The following IFT56 variants were observed in gnomAD, a reference collection of about 807,000 sequenced individuals.
The protein encoded by IFT56 is intraflagellar transport protein 56.
the IFT56 span, chr7:139,168,579 AAAC>A: frequency 1.5e-5 from 9 of 592,966 alleles, no homozygotes; most frequent in African/African-American, 1.1e-4. Flanking sequence ...CAAAAAAAAA[AAAC>A]AAAAAAAAAA....
chr7:139,140,523 T>C, the IFT56 span, among the ~76,000 whole-genome samples: 1 of 152,270 alleles, frequency 6.6e-6, no homozygotes, highest in East Asian at 1.9e-4. Context: ...CTCACGCCTG[T>C]AATCCCAGCA....
the IFT56 span, chr7:139,137,734 G>A: frequency 9.8e-6 from 7 of 717,212 alleles, no homozygotes; most frequent in South Asian, 8.9e-5. Context: ...ATATTGTCAT[G>A]CTTCTAATAC....
the IFT56 span, among the ~76,000 whole-genome samples, chr7:139,170,603 T>C: frequency 1.3e-5 from 2 of 152,310 alleles, no homozygotes; most frequent in East Asian, 3.9e-4. Context: ...GCAAAAACCA[T>C]ATGATCATTT....
At chr7:139,147,464 C>A in the IFT56 span, among the ~76,000 whole-genome samples, 6 of 152,070 alleles carry the variant, frequency 3.9e-5, no homozygotes, top group Non-Finnish European at 7.4e-5. Context: ...CTTTCTCTAC[C>A]TTTTTTTGCA....
At chr7:139,163,144 A>G in the IFT56 span, among the ~76,000 whole-genome samples, 2 of 152,002 alleles carry the variant, frequency 1.3e-5, no homozygotes, top group Non-Finnish European at 2.9e-5. Context: ...GGAGATCGAG[A>G]CCATCCTGAT....
the IFT56 span, chr7:139,161,099 TA>T: frequency 5.4e-6 from 7 of 1,304,246 alleles, no homozygotes; most frequent in African/African-American, 1.5e-5. Context: ...GAAAGATTAA[TA>T]AAAGGAGATG....
chr7:139,187,812 G>C, the IFT56 span, among the ~76,000 whole-genome samples: 34 of 151,490 alleles, frequency 2.2e-4, no homozygotes, highest in African/African-American at 7.7e-4. Context: ...CCAAATATAA[G>C]AGCAGGATGT....
At chr7:139,180,133 C>A in the IFT56 span, among the ~76,000 whole-genome samples, 2 of 150,334 alleles carry the variant, frequency 1.3e-5, no homozygotes, top group African/African-American at 4.9e-5. Context: ...GTCAGGAGAT[C>A]GAGACCATCC....
At chr7:139,163,299 G>C in the IFT56 span, among the ~76,000 whole-genome samples, 1 of 142,068 alleles carries the variant, frequency 7.0e-6, no homozygotes, top group South Asian at 2.3e-4. Context: ...CGAAGATCGC[G>C]CCACTGCACT....
the IFT56 span, among the ~76,000 whole-genome samples, chr7:139,156,530 A>T: frequency 1.3e-5 from 2 of 152,032 alleles, no homozygotes. Flanking sequence ...TCTTTCATTT[A>T]TCTCAAAGTA....
the IFT56 span, among the ~76,000 whole-genome samples, chr7:139,146,630 G>A: frequency 7.9e-5 from 12 of 152,096 alleles, 2 homozygotes; most frequent in African/African-American, 2.2e-4. Flanking sequence ...AGCCGGGCGT[G>A]GTGGCATGCG....
chr7:139,146,724 G>A, the IFT56 span, among the ~76,000 whole-genome samples: 2 of 142,054 alleles, frequency 1.4e-5, no homozygotes. Flanking sequence ...CCGAGATCGT[G>A]CCATTGCACT....
At chr7:139,172,145 AT>A in the IFT56 span, among the ~76,000 whole-genome samples, 4 of 148,020 alleles carry the variant, frequency 2.7e-5, no homozygotes, top group East Asian at 1.9e-4. Flanking sequence ...AAAAAAAAAA[AT>A]TACTTAATGC....
At chr7:139,178,115 A>G in the IFT56 span, 1 of 848,080 alleles carries the variant, frequency 1.2e-6, no homozygotes, top group Non-Finnish European at 1.9e-6. Context: ...ATATTTTGGA[A>G]TATTTTCCTG....
the IFT56 span, among the ~76,000 whole-genome samples, chr7:139,184,669 G>A: frequency 3.3e-5 from 5 of 152,282 alleles, no homozygotes; most frequent in East Asian, 9.7e-4. Context: ...AGTACTTTGG[G>A]AGGCCAAGGC....
At chr7:139,157,123 T>C in the IFT56 span, among the ~76,000 whole-genome samples, 6 of 149,462 alleles carry the variant, frequency 4.0e-5, no homozygotes, top group Non-Finnish European at 7.4e-5. Flanking sequence ...TCTCCATTTA[T>C]TTAGATCTTT....
the IFT56 span, among the ~76,000 whole-genome samples, chr7:139,148,903 A>G: frequency 2.6e-5 from 4 of 151,904 alleles, no homozygotes; most frequent in Non-Finnish European, 5.9e-5. Flanking sequence ...TCTGTCTCAA[A>G]AAAACCCAAA....
chr7:139,186,433 A>C, the IFT56 span, among the ~76,000 whole-genome samples: 1,066 of 152,122 alleles, frequency 7.0e-3, 7 homozygotes, highest in Middle Eastern at 0.027. Flanking sequence ...CTCTAAAAAA[A>C]AAAAAAGAAT....
chr7:139,146,933 TGTC>T, the IFT56 span: 287 of 1,436,830 alleles, frequency 2.0e-4, 5 homozygotes, highest in South Asian at 3.2e-3. Context: ...GGCTTTCCAT[TGTC>T]GTTGTCAAGC....
Sources: gnomAD v4.1 joint callset for allele counts (sites outside exome capture counted in the v4.1 genomes callset) on GRCh38, gnomAD v4.1.1 for gene constraint, MANE v1.5 for transcripts, NCBI Gene and HGNC (gene_info 2026-07-23, HGNC 2026-07-21) for gene names.